Variants in NXN observed in about 807,000 individuals in gnomAD.
NXN encodes nucleoredoxin, also known as nucleoredoxin 1.
A neutral mutation model predicts 48.6 loss-of-function variants in NXN; 16 were observed. The observed-to-expected ratio is 0.33, with a 90% CI of 0.22 to 0.50. The LOEUF (loss-of-function observed/expected upper bound fraction) is 0.50, where lower values mean the gene tolerates loss of function less well. Ranked by LOEUF, NXN falls within the 20% of genes least tolerant of loss-of-function variation. The probability of loss-of-function intolerance (pLI) is 0.98; values close to 1 mark genes in which losing one functional copy is unlikely to be tolerated. For missense variants in NXN, 492 were observed against 605.5 expected (o/e 0.81, Z 1.97); for synonymous variants, 281 against 269.6 (o/e 1.04, Z -0.41).
chr17:810,234 G>A (rs62070006), intron 5 of NXN, among the ~76,000 whole-genome samples: 15,733 of 117,366 alleles, frequency 0.13, 1,285 homozygotes, highest in East Asian at 0.24. Flanking sequence ...CGTGTGAGTG[G>A]CGTGCACGTT....
chr17:906,107 C>T (rs1293835096), intron 1 of NXN, among the ~76,000 whole-genome samples: 2 of 152,086 alleles, frequency 1.3e-5, no homozygotes, highest in Admixed American at 6.6e-5. Flanking sequence ...GGACATATTA[C>T]ATTCCTTTCA....
chr17:960,045 T>C (rs1181083877), intron 1 of NXN, among the ~76,000 whole-genome samples: 2 of 151,878 alleles, frequency 1.3e-5, no homozygotes, highest in African/African-American at 4.8e-5. Context: ...TCAGCCGAGA[T>C]TGCACCACTG....
intron 1 of NXN, among the ~76,000 whole-genome samples, chr17:957,915 C>A (rs1442426441): frequency 6.6e-6 from 1 of 152,140 alleles, no homozygotes; most frequent in Non-Finnish European, 1.5e-5. Flanking sequence ...CAGCATCGCC[C>A]AGAATGTATG....
At chr17:843,005 A>C (rs1914436840) in intron 1 of NXN, among the ~76,000 whole-genome samples, 5 of 76,626 alleles carry the variant, frequency 6.5e-5, no homozygotes, top group African/African-American at 2.7e-4. Flanking sequence ...AGAGAGAAAG[A>C]GAGAAAGAAA....
At chr17:845,968 C>T (rs536752383) in intron 1 of NXN, among the ~76,000 whole-genome samples, 54 of 152,108 alleles carry the variant, frequency 3.6e-4, no homozygotes, top group African/African-American at 1.2e-3. Context: ...GAGGCTGAGG[C>T]GGGAGAATTG....
In NXN at chr17:841,390, C is replaced by CACGG. The variant is rs1567827295; in HGVS notation, c.361-15313_361-15312insCCGT. On this transcript the variant is annotated intron_variant, in intron 1 of 7. Transcript: ENST00000336868. The stretch of plus-strand genomic sequence containing the variant: ...AGCAGCCCACACACGGTGCATCTCA[C>CACGG]GCCGGCGAGCAGGTCCCCCCTGACC... Among the ~76,000 whole-genome samples, 4 of 111,632 alleles carry CACGG rather than the reference C, an allele frequency of 3.6e-5. 1 individual carries two copies. The highest frequency in any genetic ancestry group is 6.0e-5 in the African/African-American group (2 of 33,272). 73.2% of individuals were successfully genotyped at this position (111,632 alleles called of 152,430 possible). A position where few individuals can be genotyped will look rare whatever the true frequency, so the allele number is the denominator to read the frequency against.
At chr17:889,695 AAGAAAAAGAAAG>A (rs1209738101) in intron 1 of NXN, among the ~76,000 whole-genome samples, 1 of 136,822 alleles carries the variant, frequency 7.3e-6, no homozygotes, top group African/African-American at 2.8e-5. Flanking sequence ...AGAAGAAAGA[AAGAAAAAGAAAG>A]AAAGAAAGAA....
intron 4 of NXN, 64 bp downstream of exon 4, chr17:822,279 CAGAAAAAAAAGAAA>C (rs1597629560): frequency 1.9e-6 from 2 of 1,050,364 alleles, no homozygotes; most frequent in East Asian, 4.8e-5. Flanking sequence ...GACTCTGTCT[CAGAAAAAAAAGAAA>C]AGAAAAAAAA....
chr17:910,993 GCTTTTTTTTAA>G (rs948379639), intron 1 of NXN: 1 of 152,098 alleles, frequency 6.6e-6, no homozygotes, highest in African/African-American at 2.4e-5. Context: ...ATCTTTTTTA[GCTTTTTTTTAA>G]AGTATTTTTT....
At chr17:822,560 C>T in intron 3 of NXN, 103 bp from the exon 4 acceptor site, 1 of 755,130 alleles carries the variant, frequency 1.3e-6, no homozygotes, top group African/African-American at 1.7e-5. Flanking sequence ...AGGACTGGGA[C>T]AGCAAAATCC....
At chr17:854,194 C>G (rs2067959317) in intron 1 of NXN, among the ~76,000 whole-genome samples, 1 of 152,192 alleles carries the variant, frequency 6.6e-6, no homozygotes, top group Admixed American at 6.5e-5. Flanking sequence ...TCTGGAATAG[C>G]TGCTTCTAAT....
intron 1 of NXN, among the ~76,000 whole-genome samples, chr17:882,910 C>A (rs1217600819): frequency 9.9e-5 from 15 of 152,084 alleles, no homozygotes; most frequent in Admixed American, 9.8e-4. Flanking sequence ...TTACAGGCGC[C>A]CGCCACCACG....
At chr17:854,876 T>C (rs1290144524) in intron 1 of NXN, among the ~76,000 whole-genome samples, 2 of 150,444 alleles carry the variant, frequency 1.3e-5, no homozygotes, top group Non-Finnish European at 3.0e-5. Context: ...GGAGAATTGC[T>C]TGAACCCAGG....
rs1276994326 is a variant in NXN at position 836,971 on chromosome 17, A to ATTAT, written c.361-10897_361-10894dup. 2.0e-5 allele frequency among the ~76,000 whole-genome samples: 3 copies of ATTAT among 147,890 alleles called. No homozygotes were observed. In the Admixed American group the frequency reaches 2.0e-4, roughly 10 times the overall value. The stretch of plus-strand genomic sequence containing the variant: ...CACACCTAGCTTAGTTGCTATTATT[A>ATTAT]TTATTATTATTATTATTATTTTCTA... On this transcript the variant is annotated intron_variant, in intron 1 of 7. Coordinates refer to ENST00000336868, the MANE Select transcript of NXN (RefSeq NM_022463.5).
At chr17:967,063 C>A (rs2069314206) in intron 1 of NXN, among the ~76,000 whole-genome samples, 1 of 152,062 alleles carries the variant, frequency 6.6e-6, no homozygotes, top group African/African-American at 2.4e-5. Flanking sequence ...ACCGTAGGGG[C>A]CACTCTCCCT....
chr17:901,265 T>A lies in NXN; in HGVS notation c.361-75187A>T, dbSNP rs188647962. 2.2e-4 allele frequency among the ~76,000 whole-genome samples: 34 copies of A among 152,188 alleles called. No individual in the cohort carries two copies. The East Asian group carries it at 6.6e-3, about 29-fold the overall frequency. The stretch of plus-strand genomic sequence containing the variant: ...TTTGTATCCAAAACCCCTCTGAGCC[T>A]CAACGTCACCCTCTGCAACATGCAG... On this transcript the variant is annotated intron_variant, in intron 1 of 7. Transcript: ENST00000336868.
intron 1 of NXN, among the ~76,000 whole-genome samples, chr17:909,343 T>C (rs1161027509): frequency 6.6e-6 from 1 of 152,124 alleles, no homozygotes; most frequent in African/African-American, 2.4e-5. Flanking sequence ...GATTTTATAT[T>C]TATTCTTCTG....
At chr17:819,324 A>G (rs867245332) in intron 5 of NXN, 115 bp downstream of exon 5, 12 of 755,462 alleles carry the variant, frequency 1.6e-5, no homozygotes, top group Non-Finnish European at 2.4e-5. Flanking sequence ...TGAAAGGCAC[A>G]TGAATATTCA....
chr17:806,486 G>T (rs941412511), intron 5 of NXN, among the ~76,000 whole-genome samples: 5 of 151,814 alleles, frequency 3.3e-5, no homozygotes, highest in African/African-American at 1.2e-4. Flanking sequence ...CCCACTCCCC[G>T]CAGCCTCTCC....
Sources: allele counts gnomAD v4.1 joint callset (sites outside exome capture counted in the v4.1 genomes callset), GRCh38; gene constraint gnomAD v4.1.1; transcripts MANE v1.5; gene names NCBI Gene and HGNC (gene_info 2026-07-23, HGNC 2026-07-21).